ZNF500: variants seen among roughly 807,000 people sequenced by gnomAD.
ZNF500 encodes the protein zinc finger protein with KRAB and SCAN domains 18.
In ZNF500, 31 loss-of-function variants were observed where a neutral mutation model predicts 30.1. The observed-to-expected ratio is 1.03, with a 90% CI of 0.77 to 1.39. The LOEUF (loss-of-function observed/expected upper bound fraction) is 1.39. Ranked by LOEUF, ZNF500 falls within the 40% of genes most tolerant of loss-of-function variation. ZNF500 has a pLI of 0.00. For synonymous variants in ZNF500, 392 were observed against 282.0 expected, an observed-to-expected ratio of 1.39 and a Z score of -3.91; for missense variants, 817 against 657.8, an observed-to-expected ratio of 1.24 and a Z score of -2.65.
chr16:4,751,490 G>A lies in ZNF500; in HGVS notation c.*886C>T, dbSNP rs922771081. The A allele has an allele frequency of 2.3e-6, 3 of 1,332,416 alleles. No homozygotes were observed. In the Admixed American group the frequency reaches 7.4e-5, roughly 33 times the overall value. 82.5% of individuals were successfully genotyped at this position (1,332,416 alleles called of 1,614,324 possible). A position where few individuals can be genotyped will look rare whatever the true frequency, so the allele number is the denominator to read the frequency against. Reference sequence around the variant, plus strand: ...TCTTCCGCCCTGCAGAGCAGCTATGGATCTGCAAAGGGGACTGGAATGCTG... The same window carrying A: ...TCTTCCGCCCTGCAGAGCAGCTATGAATCTGCAAAGGGGACTGGAATGCTG... On this transcript the variant is annotated 3_prime_UTR_variant, in exon 6 of 6. Coordinates refer to ENST00000219478, the MANE Select transcript of ZNF500 (RefSeq NM_021646.4).
chr16:4,752,927 C>T lies in ZNF500; in HGVS notation c.892G>A (p.Val298Ile). 2 of 1,613,596 alleles carry T rather than the reference C, an allele frequency of 1.2e-6. No individual in the cohort carries two copies. The highest frequency in any genetic ancestry group is 1.3e-5 in the African/African-American group (1 of 75,074). ...TGATCAGGCCTGACCAAGCCCCTGA[C>T]TGGGGCTGGCCTCTGACCTGGGAGC... ...HPLPGQRPAP[V>I]RGLVRPDQPR... Residue 298 changes from valine (V) to isoleucine (I), a missense_variant, in exon 6 of 6, where the codon GTC becomes ATC. Physicochemically the swap from Val to Ile is conservative, Grantham distance 29. Coordinates refer to ENST00000219478, the MANE Select transcript of ZNF500 (RefSeq NM_021646.4).
In ZNF500 at chr16:4,765,943, G is replaced by C. The variant is rs751218807; in HGVS notation, c.36C>G (p.Thr12=). The C allele has an allele frequency of 4.4e-6, 7 of 1,592,624 alleles. No individual in the cohort carries two copies. Among genetic ancestry groups the C allele is most frequent in the African/African-American group, 4.0e-5 (3 of 74,212 alleles). The change falls in exon 2 of 6, where the codon ACC becomes ACG. Residue 12 remains threonine, a synonymous_variant. Transcript: ENST00000219478. ...CTTCCTGTTCCAGGTCCTGCTCCAA[G>C]GTTGGCAGGGGCTGGAGGCCAGGGA... The part of the protein sequence containing the change: ...ATVPGLQPLP[T]LEQDLEQEEI...
chr16:4,762,165 C>G, intron 4 of ZNF500, 106 bp downstream of exon 4: 1 of 1,324,786 alleles, frequency 7.5e-7, no homozygotes, highest in Non-Finnish European at 1.1e-6. Context: ...CCTCTGACAT[C>G]CAAAACCTTG....
At chr16:4,758,132 A>C (rs1290938489) in intron 5 of ZNF500, among the ~76,000 whole-genome samples, 1 of 151,976 alleles carries the variant, frequency 6.6e-6, no homozygotes, top group Non-Finnish European at 1.5e-5. Context: ...TCCTGACCTC[A>C]GGTGATAAAC....
At chr16:4,746,852 G>A (rs927324577), downstream of ZNF500, 89 of 1,346,926 alleles carry the variant, frequency 6.6e-5, no homozygotes, top group Non-Finnish European at 8.3e-5. Flanking sequence ...CAAAGCCCGA[G>A]TGCTTCAAGC....
At chr16:4,764,625 C>CA (rs1040225511) in intron 2 of ZNF500, among the ~76,000 whole-genome samples, 26 of 151,456 alleles carry the variant, frequency 1.7e-4, no homozygotes, top group African/African-American at 5.8e-4. Flanking sequence ...ACTAAAAATA[C>CA]AAAAAAATTA....
intron 5 of ZNF500, among the ~76,000 whole-genome samples, chr16:4,755,378 G>A (rs1206539511): frequency 6.6e-6 from 1 of 152,104 alleles, no homozygotes; most frequent in Non-Finnish European, 1.5e-5. Context: ...GTGCAGTGGT[G>A]TGATCTCCGC....
chr16:4,763,691 T>C, intron 2 of ZNF500: 1 of 984,992 alleles, frequency 1.0e-6, no homozygotes, highest in Non-Finnish European at 1.2e-6. Context: ...TGTGCAGAGG[T>C]GTCGGTGCAG....
chr16:4,766,914 G>A (rs906117507), intron 1 of ZNF500, 103 bp downstream of exon 1: 1 of 152,244 alleles, frequency 6.6e-6, no homozygotes, highest in African/African-American at 2.4e-5. Context: ...CTCAGGTGGA[G>A]GGTGAGCGGT....
At position 4,752,744 on chromosome 16, in the gene ZNF500, C is replaced by T; in HGVS notation, c.1075G>A (p.Gly359Arg). The T allele has an allele frequency of 6.2e-7, 1 of 1,614,258 alleles. No homozygotes were observed. Among genetic ancestry groups the T allele is most frequent in the Non-Finnish European group, 8.5e-7 (1 of 1,180,040 alleles). The change falls in exon 6 of 6, where the codon GGG (glycine) becomes AGG (arginine). Residue 359 changes from glycine to arginine, a missense_variant. Gly to Arg is a moderately radical substitution (Grantham distance 125). Transcript: ENST00000219478. The part of the protein sequence containing the change: ...GERPYKCLVC[G>R]KGFSDRSNFS... ...TTGGAGCGGTCGCTAAAGCCCTTCC[C>T]ACAGACTAGGCACTTGTAAGGCCGC...
chr16:4,744,973 C>T (rs767537852), downstream of ZNF500: 1 of 1,614,046 alleles, frequency 6.2e-7, no homozygotes, highest in South Asian at 1.1e-5. Context: ...TGCCTGCCGA[C>T]ACTCCCCAGG....
chr16:4,747,012 TC>T, downstream of ZNF500: 2 of 1,532,026 alleles, frequency 1.3e-6, no homozygotes, highest in Non-Finnish European at 1.7e-6. Flanking sequence ...ATCTCCTTCC[TC>T]CCTGGGGCTA....
intron 5 of ZNF500, among the ~76,000 whole-genome samples, chr16:4,756,973 A>T (rs1407925751): frequency 6.6e-6 from 1 of 151,874 alleles, no homozygotes. Flanking sequence ...ACAGAGTGAG[A>T]TCCTGTCTCA....
chr16:4,764,642 C>G (rs554472809), intron 2 of ZNF500, among the ~76,000 whole-genome samples: 4 of 151,694 alleles, frequency 2.6e-5, no homozygotes, highest in Non-Finnish European at 5.9e-5. Flanking sequence ...ATTAGCCGGG[C>G]GTGGTGGTGG....
chr16:4,745,141 C>A, downstream of ZNF500: 2 of 1,208,676 alleles, frequency 1.7e-6, no homozygotes, highest in Non-Finnish European at 2.3e-6. Context: ...AGCATCTGAT[C>A]AGGCAGTCGC....
chr16:4,747,570 T>C (rs2082034535), downstream of ZNF500: 1 of 1,611,702 alleles, frequency 6.2e-7, no homozygotes, highest in Non-Finnish European at 8.5e-7. Flanking sequence ...CTGGGGGATG[T>C]TCCTGAGCCA....
rs2082253767 is a variant in ZNF500 at position 4,765,470 on chromosome 16, A to G, written c.414+95T>C. 6.0e-6 allele frequency: 9 copies of G among 1,491,268 alleles called. No homozygotes were observed. In the Admixed American group the frequency reaches 1.6e-4, roughly 26 times the overall value. 92.4% of individuals were successfully genotyped at this position (1,491,268 alleles called of 1,614,324 possible). The stretch of plus-strand genomic sequence containing the variant: ...AAAAGGGCTCAGGGGCCAGGCAGCC[A>G]CACTTGGTCACCCAATGACCAAGGA... On this transcript the variant is annotated intron_variant, in intron 2 of 5. Transcript: ENST00000219478.
downstream of ZNF500, chr16:4,747,244 T>C (rs574483503): frequency 2.0e-5 from 28 of 1,408,394 alleles, no homozygotes; most frequent in East Asian, 6.5e-4. Context: ...TGCTCTGAAA[T>C]GGGAGCTGGG....
intron 5 of ZNF500, among the ~76,000 whole-genome samples, chr16:4,759,694 C>G (rs2082176027): frequency 6.6e-6 from 1 of 152,154 alleles, no homozygotes; most frequent in Non-Finnish European, 1.5e-5. Context: ...GGTTCTGTTT[C>G]TCTGGAGAAG....
Sources: gnomAD v4.1 joint callset for allele counts (sites outside exome capture counted in the v4.1 genomes callset) on GRCh38, gnomAD v4.1.1 for gene constraint, MANE v1.5 for transcripts, NCBI Gene and HGNC (gene_info 2026-07-23, HGNC 2026-07-21) for gene names.